The following GREM2 variants were observed in gnomAD, a reference collection of about 807,000 sequenced individuals.
The protein encoded by GREM2 is gremlin 2, DAN family BMP antagonist.
In GREM2, 11 loss-of-function variants were observed where a neutral mutation model predicts 14.2. That is an observed-to-expected ratio of 0.78 (90% CI 0.49 to 1.28). The LOEUF is 1.28. Ranked by LOEUF, GREM2 falls within the 50% of genes most tolerant of loss-of-function variation. The pLI is 0.00. For synonymous variants in GREM2, 98 were observed against 97.6 expected (o/e 1.00, Z -0.02); for missense variants, 210 against 218.5 (o/e 0.96, Z 0.24).
intron 1 of GREM2, among the ~76,000 whole-genome samples, chr1:240,575,606 C>T (rs932481346): frequency 3.3e-5 from 5 of 151,674 alleles, no homozygotes; most frequent in Non-Finnish European, 7.4e-5. Flanking sequence ...CTGCAATCTC[C>T]GCCTCCCGGG....
At chr1:240,596,453 T>C (rs1461369211) in intron 1 of GREM2, among the ~76,000 whole-genome samples, 1 of 152,094 alleles carries the variant, frequency 6.6e-6, no homozygotes, top group Non-Finnish European at 1.5e-5. Flanking sequence ...TCCCAGCACT[T>C]TGGGAGGCTG....
intron 1 of GREM2, among the ~76,000 whole-genome samples, chr1:240,538,733 CA>C (rs1395019659): frequency 6.6e-6 from 1 of 151,974 alleles, no homozygotes; most frequent in Non-Finnish European, 1.5e-5. Flanking sequence ...AACAAACAAA[CA>C]AACAACAAAA....
intron 1 of GREM2, among the ~76,000 whole-genome samples, chr1:240,519,015 C>T (rs1361624835): frequency 6.6e-6 from 1 of 152,128 alleles, no homozygotes; most frequent in Non-Finnish European, 1.5e-5. Context: ...ATTCATTACA[C>T]ACACACATAC....
At chr1:240,609,071 A>G (rs1680084687) in intron 1 of GREM2, among the ~76,000 whole-genome samples, 1 of 152,196 alleles carries the variant, frequency 6.6e-6, no homozygotes, top group Non-Finnish European at 1.5e-5. Flanking sequence ...ACTTGAAGCT[A>G]ATCAAAAATC....
chr1:240,538,084 A>G (rs1228801202), intron 1 of GREM2, among the ~76,000 whole-genome samples: 7 of 152,220 alleles, frequency 4.6e-5, no homozygotes, highest in African/African-American at 1.4e-4. Flanking sequence ...ATGACAGTCA[A>G]TAAATAGAGG....
intron 1 of GREM2, among the ~76,000 whole-genome samples, chr1:240,578,856 G>T (rs1445886557): frequency 2.0e-5 from 3 of 152,042 alleles, no homozygotes; most frequent in African/African-American, 7.2e-5. Flanking sequence ...CTCTTCAGTA[G>T]ACCCTAATGA....
At chr1:240,502,225 C>T (rs999292436) in intron 1 of GREM2, among the ~76,000 whole-genome samples, 10 of 152,242 alleles carry the variant, frequency 6.6e-5, no homozygotes, top group African/African-American at 2.4e-4. Flanking sequence ...CCATGCAACC[C>T]ACCAACTTTT....
intron 1 of GREM2, among the ~76,000 whole-genome samples, chr1:240,592,761 C>T (rs1453289904): frequency 6.6e-6 from 1 of 152,166 alleles, no homozygotes; most frequent in Admixed American, 6.6e-5. Flanking sequence ...AACTGCTCCC[C>T]TGCCGCATGC....
chr1:240,557,989 T>A (rs916576294), intron 1 of GREM2, among the ~76,000 whole-genome samples: 2 of 152,194 alleles, frequency 1.3e-5, no homozygotes, highest in East Asian at 1.9e-4. Flanking sequence ...AATTGCTAAC[T>A]GTGCAACATG....
intron 1 of GREM2, among the ~76,000 whole-genome samples, chr1:240,573,431 T>C (rs1260858351): frequency 1.3e-5 from 2 of 152,242 alleles, no homozygotes; most frequent in Admixed American, 1.3e-4. Flanking sequence ...TTGCTGCCAC[T>C]GTCTTTCTTT....
In GREM2 at chr1:240,518,507, C is replaced by A. The variant is rs140956545; in HGVS notation, c.-1-25031G>T. Among the ~76,000 whole-genome samples, 36 of 152,172 alleles carry A rather than the reference C, an allele frequency of 2.4e-4. No individual in the cohort carries two copies. In the East Asian group the frequency reaches 6.8e-3, roughly 29 times the overall value. ...CACAAATTTTAAACAGAAAATACAT[C>A]CTTAGTTTTTGGGTTTTTTTAAACA... On this transcript the variant is annotated intron_variant, in intron 1 of 1. Coordinates refer to ENST00000318160, the MANE Select transcript of GREM2 (RefSeq NM_022469.4).
rs1018503735 is a variant in GREM2 at position 240,493,305 on chromosome 1, C to T, written c.171G>A (p.Gln57=). The T allele has an allele frequency of 5.0e-6, 8 of 1,613,948 alleles. No homozygotes were observed. In the African/African-American group the frequency reaches 9.3e-5, roughly 19 times the overall value. Residue 57 remains glutamine, a synonymous_variant, in exon 2 of 2, where the codon CAG becomes CAA. Transcript: ENST00000318160. Reference sequence around the variant, plus strand: ...TGCGCTCGGTGACCACCAGGGCCTCCTGGCTGGAGGCCAGCACCTCCTTGA... The same window carrying T: ...TGCGCTCGGTGACCACCAGGGCCTCTTGGCTGGAGGCCAGCACCTCCTTGA... ...HQIKEVLASS[Q]EALVVTERKY...
chr1:240,541,990 T>C (rs980586153), intron 1 of GREM2, among the ~76,000 whole-genome samples: 5 of 152,186 alleles, frequency 3.3e-5, no homozygotes, highest in Admixed American at 2.6e-4. Context: ...AAATGATATA[T>C]TGATGACATT....
chr1:240,493,065 G>A lies in GREM2; in HGVS notation c.411C>T (p.Cys137=), dbSNP rs1677300956. ...GTCGGAAGGGTGGGTCCAGGCCGGGGCACTCGAGCTCCACGAGGACGGAGG... is the reference window on the plus strand; with the variant it reads ...GTCGGAAGGGTGGGTCCAGGCCGGGACACTCGAGCTCCACGAGGACGGAGG... ...RVTSVLVELE[C]PGLDPPFRLK... The change falls in exon 2 of 2, where the codon TGC becomes TGT. Residue 137 remains cysteine, a synonymous_variant. Transcript: ENST00000318160. 1 of 1,612,726 alleles carries A rather than the reference G, an allele frequency of 6.2e-7. No individual in the cohort carries two copies. The highest frequency in any genetic ancestry group is 2.2e-5 in the East Asian group (1 of 44,804).
intron 1 of GREM2, among the ~76,000 whole-genome samples, chr1:240,588,010 A>C (rs1679631846): frequency 6.6e-6 from 1 of 152,090 alleles, no homozygotes; most frequent in Non-Finnish European, 1.5e-5. Flanking sequence ...GGCACATGGA[A>C]CCCACGGTGC....
rs141211254 is a variant in GREM2 at position 240,583,068 on chromosome 1, A to G, written c.-2+28816T>C. Among the ~76,000 whole-genome samples, 696 of 152,024 alleles carry G rather than the reference A, an allele frequency of 4.6e-3. 6 individuals are homozygous for G. Among genetic ancestry groups the G allele is most frequent in the African/African-American group, 0.016 (667 of 41,470 alleles). ...CAATCTTCTTTTATGGCATTTTAGGATTCCGTTTTGCCTGGGTGAGTCCTA... is the reference window on the plus strand; with the variant it reads ...CAATCTTCTTTTATGGCATTTTAGGGTTCCGTTTTGCCTGGGTGAGTCCTA... On this transcript the variant is annotated intron_variant, in intron 1 of 1. Coordinates refer to ENST00000318160, the MANE Select transcript of GREM2 (RefSeq NM_022469.4).
chr1:240,581,047 C>T (rs1421903642), intron 1 of GREM2, among the ~76,000 whole-genome samples: 1 of 151,936 alleles, frequency 6.6e-6, no homozygotes, highest in East Asian at 1.9e-4. Context: ...GTCAAAAGTT[C>T]AGCACCAGCC....
chr1:240,578,784 A>AAAAATAAAAT (rs150700705), intron 1 of GREM2, among the ~76,000 whole-genome samples: 2,576 of 147,068 alleles, frequency 0.018, 61 homozygotes, highest in African/African-American at 0.055. Flanking sequence ...ACTCAGTCTC[A>AAAAATAAAAT]AAAATAAAAT....
intron 1 of GREM2, among the ~76,000 whole-genome samples, chr1:240,496,236 A>C (rs966581501): frequency 2.8e-4 from 42 of 152,130 alleles, no homozygotes; most frequent in African/African-American, 9.2e-4. Flanking sequence ...AGGCTAAGGC[A>C]AAGTTCTCAC....
Sources: allele counts gnomAD v4.1 joint callset (sites outside exome capture counted in the v4.1 genomes callset), GRCh38; gene constraint gnomAD v4.1.1; transcripts MANE v1.5; gene names NCBI Gene and HGNC (gene_info 2026-07-23, HGNC 2026-07-21).